Variants in TP53BP1 observed in about 807,000 individuals in gnomAD.
TP53BP1 encodes tumor protein p53 binding protein 1, also known as TP53-binding protein 1.
A neutral mutation model predicts 200.8 loss-of-function variants in TP53BP1; 61 were observed. The observed-to-expected ratio is 0.30, with a 90% CI of 0.25 to 0.38. The LOEUF is 0.38. TP53BP1 is among the 10% of genes least tolerant of loss of function. The probability of loss-of-function intolerance (pLI) is 1.00; values close to 1 mark genes in which losing one functional copy is unlikely to be tolerated. For synonymous variants in TP53BP1, 822 were observed against 844.3 expected (o/e 0.97, Z 0.46); for missense variants, 2,144 against 2,371.9 (o/e 0.90, Z 2.00).
chr15:43,421,642 C>A (rs2045400715), intron 19 of TP53BP1: 1 of 651,162 alleles, frequency 1.5e-6, no homozygotes, highest in Non-Finnish European at 2.6e-6. Context: ...TTCTCAGGGG[C>A]TGCTTTGCCA....
intron 10 of TP53BP1, among the ~76,000 whole-genome samples, chr15:43,471,588 A>C (rs1344292646): frequency 6.6e-6 from 1 of 152,034 alleles, no homozygotes; most frequent in African/African-American, 2.4e-5. Context: ...CACCACACCC[A>C]GTTAATTTTT....
intron 11 of TP53BP1, among the ~76,000 whole-genome samples, chr15:43,463,110 C>G (rs1187698401): frequency 6.6e-6 from 1 of 152,026 alleles, no homozygotes; most frequent in East Asian, 1.9e-4. Flanking sequence ...GGTGCATTTA[C>G]AATGTTATGC....
intron 1 of TP53BP1, among the ~76,000 whole-genome samples, chr15:43,500,219 G>A (rs1488805097): frequency 6.6e-6 from 1 of 152,068 alleles, no homozygotes; most frequent in Non-Finnish European, 1.5e-5. Context: ...CTTCTACCAA[G>A]TCTACTCCAC....
At chr15:43,464,065 A>G (rs2046503693) in intron 11 of TP53BP1, among the ~76,000 whole-genome samples, 1 of 152,210 alleles carries the variant, frequency 6.6e-6, no homozygotes, top group African/African-American at 2.4e-5. Flanking sequence ...AAAATGTCTC[A>G]GCGGATCACA....
At chr15:43,462,459 G>A (rs1464981544) in intron 11 of TP53BP1, among the ~76,000 whole-genome samples, 1 of 151,784 alleles carries the variant, frequency 6.6e-6, no homozygotes, top group Non-Finnish European at 1.5e-5. Flanking sequence ...ACAGGCACAC[G>A]TCACCACATC....
intron 11 of TP53BP1, among the ~76,000 whole-genome samples, chr15:43,466,109 C>T (rs893433429): frequency 2.7e-4 from 41 of 152,170 alleles, no homozygotes; most frequent in African/African-American, 9.7e-4. Context: ...TAAACAATGT[C>T]CCCCACCAAA....
rs145959864 is a variant in TP53BP1, at chr15:43,424,189, T to A, written c.3829-2063A>T. On this transcript the variant is annotated intron_variant, in intron 18 of 27. Coordinates refer to ENST00000382044, the MANE Select transcript of TP53BP1 (RefSeq NM_001141980.3). ...GAGACTGGTTTCTTTCAGCCGAACC[T>A]CCATTCAAGAATTTTGAGATGAGAT... 1.9e-3 allele frequency among the ~76,000 whole-genome samples: 293 copies of A among 152,286 alleles called. 2 individuals are homozygous for A. Among genetic ancestry groups the A allele is most frequent in the African/African-American group, 6.6e-3 (273 of 41,560 alleles).
rs1384582168 is a variant in TP53BP1 at position 43,460,293 on chromosome 15, C to T, written c.1390-3075G>A. 2.6e-5 allele frequency among the ~76,000 whole-genome samples: 4 copies of T among 152,288 alleles called. No homozygotes were observed. The East Asian group carries it at 7.7e-4, about 29-fold the overall frequency. ...TGTTTTGTTTTGAGACAAGGTCTCG[C>T]TCTGCCAGCCAGGCTGGAGTGCAGT... On this transcript the variant is annotated intron_variant, in intron 11 of 27. Coordinates refer to ENST00000382044, the MANE Select transcript of TP53BP1 (RefSeq NM_001141980.3).
chr15:43,477,439 C>A (rs574098490), intron 8 of TP53BP1, among the ~76,000 whole-genome samples, 154 bp downstream of exon 8: 1 of 152,222 alleles, frequency 6.6e-6, no homozygotes, highest in Non-Finnish European at 1.5e-5. Flanking sequence ...CCAAAAAGCC[C>A]TTCTCACTAA....
chr15:43,414,601 C>T (rs1029936700), intron 23 of TP53BP1, among the ~76,000 whole-genome samples: 1 of 152,104 alleles, frequency 6.6e-6, no homozygotes, highest in African/African-American at 2.4e-5. Context: ...ACAGTAGGGA[C>T]TCAATGAACA....
upstream of TP53BP1, among the ~76,000 whole-genome samples, chr15:43,495,794 G>A (rs1187225796): frequency 6.7e-6 from 1 of 150,318 alleles, no homozygotes; most frequent in African/African-American, 2.5e-5. Context: ...TCCAGCCTGG[G>A]TGACAGAGTG....
rs1250531941 is a variant in TP53BP1, at chr15:43,415,762, G to C, written c.4921C>G (p.Pro1641Ala). ...CTACTGGAGGCAGTAGGGGTGGCTG[G>C]GGAGCTGACGTTACTGCGCCGTTTC... is the stretch of plus-strand genomic sequence containing the variant. ...KRKRRSNVSS[P>A]ATPTASSSSS... Residue 1641 changes from proline (P) to alanine (A), a missense_variant, in exon 23 of 28, where the codon CCA becomes GCA. Pro to Ala is a conservative substitution (Grantham distance 27). Transcript: ENST00000382044. The C allele has an allele frequency of 1.2e-6, 2 of 1,614,116 alleles. No homozygotes were observed. Among genetic ancestry groups the C allele is most frequent in the East Asian group, 2.2e-5 (1 of 44,886 alleles).
At chr15:43,504,580 C>T (rs1025502959) in intron 1 of TP53BP1, among the ~76,000 whole-genome samples, 1 of 151,956 alleles carries the variant, frequency 6.6e-6, no homozygotes, top group African/African-American at 2.4e-5. Context: ...AATCTTTATT[C>T]CACAAATAAG....
chr15:43,429,684 T>C (rs1281748927), intron 17 of TP53BP1, among the ~76,000 whole-genome samples: 5 of 152,178 alleles, frequency 3.3e-5, no homozygotes, highest in African/African-American at 9.6e-5. Flanking sequence ...ATGTGACTAG[T>C]TATAAATAAT....
chr15:43,456,446 A>G lies in TP53BP1; in HGVS notation c.2162T>C (p.Met721Thr), dbSNP rs1173587915. 1 of 1,572,780 alleles carries G rather than the reference A, an allele frequency of 6.4e-7. No individual in the cohort carries two copies. Among genetic ancestry groups the G allele is most frequent in the Non-Finnish European group, 8.6e-7 (1 of 1,164,526 alleles). The change falls in exon 12 of 28, where the codon ATG becomes ACG. Residue 721 changes from methionine to threonine, a missense_variant. Coordinates refer to ENST00000382044, the MANE Select transcript of TP53BP1 (RefSeq NM_001141980.3). ...EMPKKECSEA[M>T]EVETSVISID... is the part of the protein sequence containing the mutation. The stretch of plus-strand genomic sequence containing the variant: ...ACTAATCACACTGGTTTCAACTTCC[A>G]TAGCTTCTGAGCATTCTTTTTTTGG...
rs548041454 is a variant in TP53BP1, at chr15:43,451,377, T to G, written c.2717-3892A>C. ...AGTCCCCAGAGTGTGATGTTCCCCT[T>G]CCTGTGTCCATGTGTTCTCATTGTT... On this transcript the variant is annotated intron_variant, in intron 12 of 27. Coordinates refer to ENST00000382044, the MANE Select transcript of TP53BP1 (RefSeq NM_001141980.3). Among the ~76,000 whole-genome samples the G allele has an allele frequency of 2.4e-4, 37 of 151,704 alleles. 1 individual carries two copies. Among genetic ancestry groups the G allele is most frequent in the Middle Eastern group, 3.4e-3 (1 of 294 alleles).
intron 1 of TP53BP1, among the ~76,000 whole-genome samples, chr15:43,492,794 C>T (rs2079146000): frequency 6.8e-6 from 1 of 147,344 alleles, no homozygotes; most frequent in South Asian, 2.3e-4. Flanking sequence ...GGCGCCTCTA[C>T]CTCCCCCCAA....
chr15:43,408,840 C>G, intron 26 of TP53BP1, 57 bp downstream of exon 26: 1 of 1,555,420 alleles, frequency 6.4e-7, no homozygotes, highest in Non-Finnish European at 8.9e-7. Flanking sequence ...ATTCTCTTCC[C>G]TCCAAAGCTT....
At chr15:43,443,423 G>A (rs994517427) in intron 14 of TP53BP1, among the ~76,000 whole-genome samples, 5 of 152,198 alleles carry the variant, frequency 3.3e-5, no homozygotes, top group Non-Finnish European at 7.3e-5. Flanking sequence ...CAGGCACGGT[G>A]GCTCACTCAT....
Sources: allele counts gnomAD v4.1 joint callset (sites outside exome capture counted in the v4.1 genomes callset), GRCh38; gene constraint gnomAD v4.1.1; transcripts MANE v1.5; gene names NCBI Gene and HGNC (gene_info 2026-07-23, HGNC 2026-07-21).